The following PCNX4 variants were observed in gnomAD, a reference collection of about 807,000 sequenced individuals.
The protein encoded by PCNX4 is pecanex 4, also known as pecanex-like protein 4.
A neutral mutation model predicts 107.2 loss-of-function variants in PCNX4; 103 were observed. That is an observed-to-expected ratio of 0.96 (90% CI 0.82 to 1.13). The LOEUF (loss-of-function observed/expected upper bound fraction) is 1.13. Among genes scored for constraint, PCNX4 ranks in the 50% most tolerant of loss-of-function variants. The pLI, the probability that PCNX4 is intolerant of heterozygous loss-of-function variation, is 0.00. For synonymous variants in PCNX4, 541 were observed against 481.7 expected, an observed-to-expected ratio of 1.12 and a Z score of -1.61; for missense variants, 1,528 against 1,379.4, an observed-to-expected ratio of 1.11 and a Z score of -1.71.
chr14:60,125,935 T>A, intron 10 of PCNX4, 112 bp downstream of exon 10: 1 of 719,788 alleles, frequency 1.4e-6, no homozygotes, highest in Non-Finnish European at 2.0e-6. Context: ...TGTGATATAT[T>A]AATTATAGTT....
At chr14:60,110,823 G>A (rs1438212216) in intron 2 of PCNX4, 1 of 167,126 alleles carries the variant, frequency 6.0e-6, no homozygotes, top group Non-Finnish European at 1.5e-5. Flanking sequence ...AAGGACATGA[G>A]TTTTGAGGGG....
intron 1 of PCNX4, among the ~76,000 whole-genome samples, chr14:60,094,706 T>A (rs1019860328): frequency 9.2e-5 from 14 of 151,652 alleles, no homozygotes; most frequent in Non-Finnish European, 1.8e-4. Flanking sequence ...GCTCTGGCAT[T>A]AAGCTGCACC....
Position 60,136,464 on chromosome 14 carries a change from C to A in PCNX4, c.*2243C>A, listed in dbSNP as rs1040481395. 7.2e-5 allele frequency: 11 copies of A among 152,184 alleles called. No individual in the cohort carries two copies. Among genetic ancestry groups the A allele is most frequent in the African/African-American group, 2.7e-4 (11 of 41,428 alleles). The allele number at this position is 152,184 out of a possible 1,614,324, so 9.4% of individuals were successfully genotyped here. Reference sequence around the variant, plus strand: ...GTACCTAACCCAACCTCTCTTCTTACACTGAACCTATATATATCACTTATT... The same window carrying A: ...GTACCTAACCCAACCTCTCTTCTTAAACTGAACCTATATATATCACTTATT... On this transcript the variant is annotated 3_prime_UTR_variant, in exon 11 of 11. Coordinates refer to ENST00000406854, the MANE Select transcript of PCNX4 (RefSeq NM_001330177.2).
chr14:60,118,376 G>C lies in PCNX4; in HGVS notation c.1626G>C (p.Gln542His), dbSNP rs758813454. 6.2e-7 allele frequency: 1 copy of C among 1,613,128 alleles called. No individual in the cohort carries two copies. The highest frequency in any genetic ancestry group is 1.3e-5 in the African/African-American group (1 of 74,908). Reference sequence around the variant, plus strand: ...TGATTCAGTTCATCTCTAAATTGCAGTTTGCCGTGACTGTGCTTTTGACAT... The same window carrying C: ...TGATTCAGTTCATCTCTAAATTGCACTTTGCCGTGACTGTGCTTTTGACAT... The part of the protein sequence containing the change: ...DRLIQFISKL[Q>H]FAVTVLLTSW... The change falls in exon 7 of 11, where the codon CAG (glutamine) becomes CAC (histidine). Residue 542 changes from glutamine (Q) to histidine (H), a missense_variant. Gln to His is a conservative substitution (Grantham distance 24). Coordinates refer to ENST00000406854, the MANE Select transcript of PCNX4 (RefSeq NM_001330177.2).
Position 60,115,432 on chromosome 14 carries a change from G to C in PCNX4, c.1328G>C (p.Gly443Ala). Residue 443 changes from glycine (G) to alanine (A), a missense_variant, in exon 4 of 11, where the codon GGT (glycine) becomes GCT (alanine). Physicochemically the swap from Gly to Ala is moderately conservative, Grantham distance 60 (BLOSUM62 0). Coordinates refer to ENST00000406854, the MANE Select transcript of PCNX4 (RefSeq NM_001330177.2). ...AAGCAAACTAGGCTCATGAAGATTG[G>C]TATTGTCAGACGGATTTTGCTAACT... ...FEKQTRLMKI[G>A]IVRRILLTLV... is the part of the protein sequence containing the mutation. 1 of 1,537,574 alleles carries C rather than the reference G, an allele frequency of 6.5e-7. No homozygotes were observed. Among genetic ancestry groups the C allele is most frequent in the Non-Finnish European group, 8.7e-7 (1 of 1,146,558 alleles).
chr14:60,092,342 G>T lies in PCNX4; in HGVS notation c.-131G>T, dbSNP rs219292. On this transcript the variant is annotated 5_prime_UTR_variant, in exon 1 of 11. Transcript: ENST00000406854. Reference sequence around the variant, plus strand: ...GGCACTAACCAACCTCCCGGCGGGAGCGCCCAGCCCGAGTTTACCTGCAAA... The same window carrying T: ...GGCACTAACCAACCTCCCGGCGGGATCGCCCAGCCCGAGTTTACCTGCAAA... 113,371 of 152,268 alleles carry T rather than the reference G, an allele frequency of 0.74. 44,419 individuals carry two copies. The highest frequency in any genetic ancestry group is 0.87 in the Non-Finnish European group (59,072 of 68,030). The allele number at this position is 152,268 out of a possible 1,614,324, so 9.4% of individuals were successfully genotyped here. A position where few individuals can be genotyped will look rare whatever the true frequency, so the allele number is the denominator to read the frequency against.
Position 60,134,236 on chromosome 14 carries a change from G to C in PCNX4, c.*15G>C. On this transcript the variant is annotated 3_prime_UTR_variant, in exon 11 of 11. Transcript: ENST00000406854. ...ATTTGTATTAGAGCTCATTTTGACT[G>C]TAATGTCATCAAATGCAATGTTTTT... 1 of 1,607,472 alleles carries C rather than the reference G, an allele frequency of 6.2e-7. No homozygotes were observed. Among genetic ancestry groups the C allele is most frequent in the Non-Finnish European group, 8.5e-7 (1 of 1,176,144 alleles).
At chr14:60,099,780 G>A (rs1253533764) in intron 1 of PCNX4, among the ~76,000 whole-genome samples, 2 of 152,180 alleles carry the variant, frequency 1.3e-5, no homozygotes, top group Non-Finnish European at 2.9e-5. Flanking sequence ...GTAATGGTCA[G>A]GTGCAGTGGC....
chr14:60,111,321 A>G (rs1895736746), intron 2 of PCNX4, among the ~76,000 whole-genome samples: 1 of 152,180 alleles, frequency 6.6e-6, no homozygotes, highest in Admixed American at 6.5e-5. Flanking sequence ...GAACCAGAGG[A>G]CAATGTAATG....
chr14:60,143,693 C>T lies in PCNX4; in HGVS notation c.*9472C>T, dbSNP rs1452608963. On this transcript the variant is annotated 3_prime_UTR_variant, in exon 11 of 11. Transcript: ENST00000406854. ...TATACCTCATCGTGTACCTCTACCA[C>T]ATGTCATCTTCCCCCTTTTCCAAGG... The T allele has an allele frequency of 6.6e-6, 1 of 152,258 alleles. No individual in the cohort carries two copies. Among genetic ancestry groups the T allele is most frequent in the Non-Finnish European group, 1.5e-5 (1 of 68,050 alleles). 9.4% of individuals were successfully genotyped at this position (152,258 alleles called of 1,614,324 possible).
intron 6 of PCNX4, among the ~76,000 whole-genome samples, chr14:60,116,885 C>G (rs979940545): frequency 6.6e-6 from 1 of 151,968 alleles, no homozygotes; most frequent in Non-Finnish European, 1.5e-5. Context: ...TAGGCCTAGA[C>G]TGATACGTGT....
chr14:60,100,696 C>A (rs1895513969), intron 1 of PCNX4, among the ~76,000 whole-genome samples: 1 of 152,180 alleles, frequency 6.6e-6, no homozygotes. Context: ...GTCTAAGGGG[C>A]CTAGAGAGTC....
chr14:60,126,317 T>C (rs1238348083), intron 10 of PCNX4: 1 of 152,250 alleles, frequency 6.6e-6, no homozygotes, highest in Non-Finnish European at 1.5e-5. Flanking sequence ...ATTTAAAATG[T>C]TGTCAAGTGT....
At chr14:60,129,801 A>T (rs1251562442) in intron 10 of PCNX4, among the ~76,000 whole-genome samples, 1 of 152,202 alleles carries the variant, frequency 6.6e-6, no homozygotes. Flanking sequence ...TAAGACAGAG[A>T]TAGTAAGCTT....
At position 60,121,318 on chromosome 14, in the gene PCNX4, C is replaced by T; in HGVS notation, c.2046+19C>T. ...CATTAAGGTCAGTGTGCATATAAAA[C>T]ATCTGTAGTATTTTTATAGTTCATG... On this transcript the variant is annotated intron_variant, in intron 8 of 10. Transcript: ENST00000406854. 1 of 1,597,398 alleles carries T rather than the reference C, an allele frequency of 6.3e-7. No individual in the cohort carries two copies. The highest frequency in any genetic ancestry group is 8.5e-7 in the Non-Finnish European group (1 of 1,172,314).
intron 2 of PCNX4, among the ~76,000 whole-genome samples, chr14:60,113,476 C>G (rs537998221): frequency 6.6e-6 from 1 of 152,254 alleles, no homozygotes; most frequent in South Asian, 2.1e-4. Flanking sequence ...TCAAGCGATT[C>G]TCCTGCCTCA....
At chr14:60,133,122 T>C (rs1896184426) in intron 10 of PCNX4, among the ~76,000 whole-genome samples, 2 of 152,244 alleles carry the variant, frequency 1.3e-5, no homozygotes, top group South Asian at 4.1e-4. Context: ...AAAACATAAA[T>C]CCACATGAAA....
In PCNX4 at chr14:60,124,264, G is replaced by C. The variant is rs1445954502; in HGVS notation, c.2093G>C (p.Arg698Thr). The C allele has an allele frequency of 6.2e-7, 1 of 1,604,070 alleles. No individual in the cohort carries two copies. The highest frequency in any genetic ancestry group is 8.5e-7 in the Non-Finnish European group (1 of 1,174,736). The change falls in exon 9 of 11, where the codon AGA becomes ACA. Residue 698 changes from arginine to threonine, a missense_variant. Physicochemically the swap from Arg to Thr is moderately conservative, Grantham distance 71. Coordinates refer to ENST00000406854, the MANE Select transcript of PCNX4 (RefSeq NM_001330177.2). ...TCCTGTCATACTGCAGAAGCTCGCA[G>C]AGTTGATGAAGTTTTTGAAGATGCT... ...ETSCHTAEAR[R>T]VDEVFEDAFE... is the part of the protein sequence containing the mutation.
At position 60,125,726 on chromosome 14, in the gene PCNX4, G is replaced by A. The variant is rs753284960; in HGVS notation, c.3170G>A (p.Arg1057His). Residue 1057 changes from arginine to histidine, a missense_variant, in exon 10 of 11, where the codon CGT becomes CAT. Transcript: ENST00000406854. ...ATTAAGTACCTTGAAGAATATGAAC[G>A]TGACTGGTACATTGGTTTGGTATCT... ...ELIKYLEEYERDWYIGLVSDE... is the reference protein window; with the variant it reads ...ELIKYLEEYEHDWYIGLVSDE... 84 of 1,610,590 alleles carry A rather than the reference G, an allele frequency of 5.2e-5. No individual in the cohort carries two copies. The highest frequency in any genetic ancestry group is 7.0e-5 in the Non-Finnish European group (83 of 1,178,222).
Sources: gnomAD v4.1 joint callset for allele counts (sites outside exome capture counted in the v4.1 genomes callset) on GRCh38, gnomAD v4.1.1 for gene constraint, MANE v1.5 for transcripts, NCBI Gene and HGNC (gene_info 2026-07-23, HGNC 2026-07-21) for gene names.